EIF4H: variants seen among roughly 807,000 people sequenced by gnomAD.
EIF4H encodes Williams-Beuren syndrome chromosome region 1.
EIF4H carries 8 observed loss-of-function variants against 30.6 expected under a neutral mutation model. The ratio of observed to expected loss-of-function variants is 0.26; its 90% confidence interval spans 0.15 to 0.47. The LOEUF is 0.47. EIF4H is among the 20% of genes least tolerant of loss of function. The pLI is 0.99. For synonymous variants in EIF4H, 106 were observed against 122.7 expected, an observed-to-expected ratio of 0.86 and a Z score of 0.90; for missense variants, 188 against 339.5, an observed-to-expected ratio of 0.55 and a Z score of 3.51.
chr7:74,190,936 A>G (rs1554709829), intron 5 of EIF4H, among the ~76,000 whole-genome samples: 49 of 152,220 alleles, frequency 3.2e-4, no homozygotes. Flanking sequence ...GCACATGATA[A>G]AAACTTCAGT....
In EIF4H at chr7:74,175,523, T is replaced by TA. The variant is rs1461470745; in HGVS notation, c.59+1081_59+1082insA. 1.1e-4 allele frequency among the ~76,000 whole-genome samples: 17 copies of TA among 152,326 alleles called. No individual in the cohort carries two copies. In the South Asian group the frequency reaches 2.5e-3, roughly 22 times the overall value. On this transcript the variant is annotated intron_variant, in intron 1 of 6. Transcript: ENST00000265753. The stretch of plus-strand genomic sequence containing the variant: ...GGAACGGCTCAGACAAAAGCTTGTT[T>TA]CGGGGCAGGAGTGTAGCTAATGTTC...
In EIF4H at chr7:74,183,860, A is replaced by T. The variant is rs1801021299; in HGVS notation, c.60-3751A>T. ...CACTTTACCAGTGCTAGCTTGAATG[A>T]GGTCTACCTCCATGGCCCAGCCCTG... On this transcript the variant is annotated intron_variant, in intron 1 of 6. Coordinates refer to ENST00000265753, the MANE Select transcript of EIF4H (RefSeq NM_022170.2). 2.0e-5 allele frequency: 3 copies of T among 152,436 alleles called. No homozygotes were observed. In the East Asian group the frequency reaches 5.8e-4, roughly 29 times the overall value. The allele number at this position is 152,436 out of a possible 1,614,324, so 9.4% of individuals were successfully genotyped here. A position where few individuals can be genotyped will look rare whatever the true frequency, so the allele number is the denominator to read the frequency against.
intron 6 of EIF4H, 36 bp downstream of exon 6, chr7:74,194,914 C>T (rs1554710485): frequency 6.4e-7 from 1 of 1,566,286 alleles, no homozygotes; most frequent in Non-Finnish European, 8.7e-7. Context: ...GCATCTTGTC[C>T]TGATGGGATG....
At chr7:74,174,878 G>T (rs528787366) in intron 1 of EIF4H, among the ~76,000 whole-genome samples, 8 of 152,368 alleles carry the variant, frequency 5.3e-5, no homozygotes, top group Non-Finnish European at 8.8e-5. Context: ...CGCCTTGCAG[G>T]CCCCTGGCCC....
intron 5 of EIF4H, chr7:74,191,180 T>G: frequency 1.9e-6 from 1 of 533,642 alleles, no homozygotes; most frequent in East Asian, 5.5e-5. Flanking sequence ...TTGAATAATA[T>G]AGTTCTTAAA....
In EIF4H at chr7:74,194,787, C is replaced by T. The variant is rs782798386; in HGVS notation, c.516C>T (p.Gly172=). 7.4e-5 allele frequency: 118 copies of T among 1,602,186 alleles called. No individual in the cohort carries two copies. Among genetic ancestry groups the T allele is most frequent in the Middle Eastern group, 6.6e-4 (4 of 6,028 alleles). The change falls in exon 6 of 7, where the codon GGC becomes GGT. Residue 172 remains glycine (G), a synonymous_variant. Coordinates refer to ENST00000265753, the MANE Select transcript of EIF4H (RefSeq NM_022170.2). Reference sequence around the variant, plus strand: ...GGGGCAGGGGAGGTAGTCGCCCAGGCGACCGGCGAACAGGCCCCCCCATGG... The same window carrying T: ...GGGGCAGGGGAGGTAGTCGCCCAGGTGACCGGCGAACAGGCCCCCCCATGG... ...FLGGRGGSRP[G]DRRTGPPMGS...
intron 1 of EIF4H, among the ~76,000 whole-genome samples, chr7:74,182,327 T>G (rs1468407673): frequency 1.3e-5 from 2 of 152,212 alleles, no homozygotes; most frequent in African/African-American, 4.8e-5. Flanking sequence ...CTTTGAAAGC[T>G]TAACCATTTT....
At chr7:74,195,010 G>T in intron 6 of EIF4H, 132 bp downstream of exon 6, 1 of 1,501,364 alleles carries the variant, frequency 6.7e-7, no homozygotes, top group Non-Finnish European at 8.9e-7. Context: ...CTCTGGAATA[G>T]CAAGTTCACC....
At position 74,188,145 on chromosome 7, in the gene EIF4H, G is replaced by A. The variant is rs546230617; in HGVS notation, c.247+347G>A. Among the ~76,000 whole-genome samples, 6 of 152,326 alleles carry A rather than the reference G, an allele frequency of 3.9e-5. No individual in the cohort carries two copies. In the South Asian group the frequency reaches 8.3e-4, roughly 21 times the overall value. ...AGGCACATTCCTCCTGGAATGACTC[G>A]TAGATTTTCCTTGGTAGTTAATCCA... On this transcript the variant is annotated intron_variant, in intron 2 of 6. Transcript: ENST00000265753.
intron 2 of EIF4H, among the ~76,000 whole-genome samples, chr7:74,189,403 A>G (rs1801156183): frequency 6.6e-6 from 1 of 152,216 alleles, no homozygotes; most frequent in Admixed American, 6.5e-5. Flanking sequence ...AAAGGTTTGA[A>G]TATTATGGTT....
At chr7:74,182,727 A>C (rs1584177136) in intron 1 of EIF4H, among the ~76,000 whole-genome samples, 1 of 152,182 alleles carries the variant, frequency 6.6e-6, no homozygotes, top group Admixed American at 6.5e-5. Flanking sequence ...TTTCTGTTGC[A>C]TCTACTTACT....
intron 1 of EIF4H, among the ~76,000 whole-genome samples, chr7:74,185,321 C>A (rs1330030370): frequency 6.6e-6 from 1 of 152,132 alleles, no homozygotes; most frequent in Non-Finnish European, 1.5e-5. Flanking sequence ...ATTTATTATC[C>A]CGTCCTAAAT....
Position 74,196,607 on chromosome 7 carries a change from T to G in EIF4H, c.*1299T>G, listed in dbSNP as rs1554710807. On this transcript the variant is annotated 3_prime_UTR_variant, in exon 7 of 7. Coordinates refer to ENST00000265753, the MANE Select transcript of EIF4H (RefSeq NM_022170.2). Reference sequence around the variant, plus strand: ...CCCAGTCTGTCCTATGGGGAGCAGTTTGGGGGCGGCCGGCAGCAGGAGCCT... The same window carrying G: ...CCCAGTCTGTCCTATGGGGAGCAGTGTGGGGGCGGCCGGCAGCAGGAGCCT... The G allele has an allele frequency of 6.6e-6, 1 of 151,520 alleles. No homozygotes were observed. The highest frequency in any genetic ancestry group is 1.5e-5 in the Non-Finnish European group (1 of 67,874). 9.4% of individuals were successfully genotyped at this position (151,520 alleles called of 1,614,324 possible). A position where few individuals can be genotyped will look rare whatever the true frequency, so the allele number is the denominator to read the frequency against.
chr7:74,194,123 G>C (rs530315233), intron 5 of EIF4H, among the ~76,000 whole-genome samples: 1 of 152,328 alleles, frequency 6.6e-6, no homozygotes, highest in African/African-American at 2.4e-5. Flanking sequence ...AGGAGGCGCC[G>C]GTGGGGGTGA....
intron 1 of EIF4H, among the ~76,000 whole-genome samples, chr7:74,178,420 T>C (rs1305191097): frequency 6.6e-6 from 1 of 151,940 alleles, no homozygotes; most frequent in African/African-American, 2.4e-5. Flanking sequence ...GGCACATACC[T>C]GTAATCCTAG....
chr7:74,174,493 C>G, intron 1 of EIF4H, 51 bp downstream of exon 1: 2 of 1,312,008 alleles, frequency 1.5e-6, no homozygotes, highest in Non-Finnish European at 2.0e-6. Context: ...CCGGCGGAGT[C>G]GGGGCCGTCA....
chr7:74,181,324 C>T lies in EIF4H; in HGVS notation c.60-6287C>T, dbSNP rs535081329. Among the ~76,000 whole-genome samples, 22 of 152,182 alleles carry T rather than the reference C, an allele frequency of 1.4e-4. No homozygotes were observed. The East Asian group carries it at 1.9e-3, about 13-fold the overall frequency. On this transcript the variant is annotated intron_variant, in intron 1 of 6. Transcript: ENST00000265753. ...TATTTTTTTAAATTTTAATCCTCAT[C>T]TTTGTGTTGGTAAATATTACATACT...
chr7:74,191,223 A>G (rs781995768), intron 5 of EIF4H: 1 of 534,456 alleles, frequency 1.9e-6, no homozygotes, highest in Non-Finnish European at 3.8e-6. Flanking sequence ...GAGCTTATTC[A>G]TAAAAGTGCA....
At position 74,174,388 on chromosome 7, in the gene EIF4H, C is replaced by A; in HGVS notation, c.5C>A (p.Ala2Glu). Residue 2 changes from alanine to glutamate, a missense_variant, in exon 1 of 7, where the codon GCG (alanine) becomes GAG (glutamate). Around this residue, in one of 4 missense-constraint regions of EIF4H, gnomAD observed 43 missense variants for 43.4 expected, o/e 0.99. Coordinates refer to ENST00000265753, the MANE Select transcript of EIF4H (RefSeq NM_022170.2). Reference sequence around the variant, plus strand: ...CTCTCGGAGCGGAGACGGCAAATGGCGGACTTCGACACCTACGACGATCGG... The same window carrying A: ...CTCTCGGAGCGGAGACGGCAAATGGAGGACTTCGACACCTACGACGATCGG... M[A>E]DFDTYDDRAY... The A allele has an allele frequency of 6.9e-7, 1 of 1,458,230 alleles. No individual in the cohort carries two copies. Among genetic ancestry groups the A allele is most frequent in the South Asian group, 1.4e-5 (1 of 73,020 alleles). 90.3% of individuals were successfully genotyped at this position (1,458,230 alleles called of 1,614,324 possible).
Sources: gnomAD v4.1 joint callset for allele counts (sites outside exome capture counted in the v4.1 genomes callset) on GRCh38, gnomAD v4.1.1 for gene constraint, gnomAD v4.1.1 regional missense constraint, MANE v1.5 for transcripts, NCBI Gene and HGNC (gene_info 2026-07-23, HGNC 2026-07-21) for gene names.